The following GLIS3 variants were observed in gnomAD, a reference collection of about 807,000 sequenced individuals.
GLIS3 encodes GLIS family zinc finger 3.
In GLIS3, 53 loss-of-function variants were observed where a neutral mutation model predicts 78.6. That is an observed-to-expected ratio of 0.67 (90% CI 0.54 to 0.85). The LOEUF is 0.85. Among genes scored for constraint, GLIS3 ranks in the 40% least tolerant of loss-of-function variants. The pLI is 0.00. For synonymous variants in GLIS3, 684 were observed against 509.9 expected (o/e 1.34, Z -4.60); for missense variants, 1,703 against 1,231.1 (o/e 1.38, Z -5.74).
chr9:3,978,040 T>C (rs1199577593), intron 4 of GLIS3, among the ~76,000 whole-genome samples: 1 of 152,172 alleles, frequency 6.6e-6, no homozygotes, highest in African/African-American at 2.4e-5. Flanking sequence ...GACAAGCAAA[T>C]GGATCTTTCT....
At chr9:3,909,498 G>A (rs1315363862) in intron 6 of GLIS3, among the ~76,000 whole-genome samples, 1 of 152,180 alleles carries the variant, frequency 6.6e-6, no homozygotes, top group Non-Finnish European at 1.5e-5. Flanking sequence ...ATCTCTTTGG[G>A]AACAGAAGTG....
At chr9:3,842,339 G>T (rs551230508) in intron 9 of GLIS3, among the ~76,000 whole-genome samples, 3 of 152,308 alleles carry the variant, frequency 2.0e-5, no homozygotes, top group African/African-American at 2.4e-5. Flanking sequence ...TGGTATGGTG[G>T]TGGGTGCCTG....
intron 2 of GLIS3, among the ~76,000 whole-genome samples, chr9:4,162,576 C>T (rs1835564955): frequency 6.6e-6 from 1 of 152,140 alleles, no homozygotes; most frequent in East Asian, 1.9e-4. Context: ...AGATCAATCA[C>T]TGGCCGGGTG....
chr9:4,320,164 A>G (rs919173650), intron 2 of GLIS3, among the ~76,000 whole-genome samples: 1 of 152,122 alleles, frequency 6.6e-6, no homozygotes, highest in African/African-American at 2.4e-5. Context: ...CACTTTTGAC[A>G]TGTCATGTTT....
intron 2 of GLIS3, among the ~76,000 whole-genome samples, chr9:4,284,404 C>T (rs1243275342): frequency 6.6e-6 from 1 of 152,136 alleles, no homozygotes; most frequent in Non-Finnish European, 1.5e-5. Context: ...AAGGCTTTAT[C>T]GGGCCTCAAC....
intron 2 of GLIS3, among the ~76,000 whole-genome samples, chr9:4,345,576 G>T (rs1412867862): frequency 2.0e-5 from 3 of 152,208 alleles, no homozygotes; most frequent in South Asian, 4.1e-4. Flanking sequence ...GAAGAAACAG[G>T]TTCCATGTAT....
At chr9:4,366,939 C>A in the GLIS3 span, among the ~76,000 whole-genome samples, 2 of 138,868 alleles carry the variant, frequency 1.4e-5, no homozygotes, top group Non-Finnish European at 3.3e-5. Flanking sequence ...AGCACAATGG[C>A]TAAATTTCTG....
intron 4 of GLIS3, among the ~76,000 whole-genome samples, chr9:3,993,845 T>G (rs1220125341): frequency 6.6e-6 from 1 of 152,224 alleles, no homozygotes; most frequent in Non-Finnish European, 1.5e-5. Flanking sequence ...GTCATTTTTT[T>G]TCTGTTATAA....
intron 6 of GLIS3, among the ~76,000 whole-genome samples, chr9:3,907,445 G>C (rs970821505): frequency 9.9e-5 from 15 of 152,118 alleles, no homozygotes; most frequent in African/African-American, 3.6e-4. Flanking sequence ...AATTTTCAAA[G>C]ATTACAGGTG....
intron 4 of GLIS3, among the ~76,000 whole-genome samples, chr9:3,943,363 G>A (rs113648735): frequency 1.2e-3 from 183 of 152,256 alleles, no homozygotes; most frequent in Non-Finnish European, 2.0e-3. Flanking sequence ...CTCCACAATG[G>A]GAACAGAGAA....
At chr9:3,927,187 C>T (rs2130758072) in intron 6 of GLIS3, among the ~76,000 whole-genome samples, 1 of 152,300 alleles carries the variant, frequency 6.6e-6, no homozygotes, top group African/African-American at 2.4e-5. Context: ...CTGGATCTAA[C>T]CTAGTGCCTG....
intron 4 of GLIS3, among the ~76,000 whole-genome samples, chr9:3,982,754 C>T (rs941189384): frequency 2.5e-4 from 38 of 152,152 alleles, no homozygotes; most frequent in African/African-American, 7.2e-4. Context: ...AAACTTTTCT[C>T]GCCAAAACAG....
chr9:4,298,310 A>T (rs1587359260), intron 1 of GLIS3: 1 of 454,170 alleles, frequency 2.2e-6, no homozygotes, highest in Non-Finnish European at 4.4e-6. Flanking sequence ...CTCGCCTCCC[A>T]AACACCTCCA....
chr9:4,250,340 T>G (rs543447381), intron 2 of GLIS3, among the ~76,000 whole-genome samples: 1 of 152,332 alleles, frequency 6.6e-6, no homozygotes, highest in Non-Finnish European at 1.5e-5. Context: ...TGGTTTAGTC[T>G]TGAGAGGGTG....
At chr9:4,042,123 G>C (rs977901852) in intron 4 of GLIS3, among the ~76,000 whole-genome samples, 4 of 151,998 alleles carry the variant, frequency 2.6e-5, no homozygotes. Context: ...AAAAGCTTGG[G>C]TTTTTGTTTT....
chr9:4,372,669 G>A, the GLIS3 span, among the ~76,000 whole-genome samples: 8 of 152,092 alleles, frequency 5.3e-5, no homozygotes, highest in South Asian at 2.1e-4. Context: ...ATGACCAAAC[G>A]GAGAAAGTCT....
chr9:4,367,107 C>G, the GLIS3 span, among the ~76,000 whole-genome samples: 25 of 152,316 alleles, frequency 1.6e-4, no homozygotes, highest in African/African-American at 5.5e-4. Flanking sequence ...TGACAAAAAT[C>G]ATATTACTCA....
chr9:4,425,233 C>T, the GLIS3 span, among the ~76,000 whole-genome samples: 1 of 152,224 alleles, frequency 6.6e-6, no homozygotes, highest in African/African-American at 2.4e-5. Flanking sequence ...GTTTAAGGCA[C>T]TGCTGTCCTG....
At chr9:4,096,009 CAAAAAAAA>C (rs34499061) in intron 4 of GLIS3, among the ~76,000 whole-genome samples, 2 of 103,550 alleles carry the variant, frequency 1.9e-5, no homozygotes, top group Non-Finnish European at 4.0e-5. Context: ...GTAACCTATA[CAAAAAAAA>C]AAAAAAAAAA....
Sources: allele counts gnomAD v4.1 joint callset (sites outside exome capture counted in the v4.1 genomes callset), GRCh38; gene constraint gnomAD v4.1.1; transcripts MANE v1.5; gene names NCBI Gene and HGNC (gene_info 2026-07-23, HGNC 2026-07-21).